DNMT3A: variants seen among roughly 807,000 people sequenced by gnomAD.
DNMT3A encodes DNA (cytosine-5)-methyltransferase 3A.
DNMT3A carries 267 observed loss-of-function variants against 117.6 expected under a neutral mutation model. The ratio of observed to expected loss-of-function variants is 2.27; its 90% CI spans 2.05 to 2.51. The LOEUF (loss-of-function observed/expected upper bound fraction) is 2.51, where lower values mean the gene tolerates loss of function less well. Among genes scored for constraint, DNMT3A ranks in the 30% most tolerant of loss-of-function variants. DNMT3A has a pLI of 0.00. For synonymous variants in DNMT3A, 432 were observed against 474.8 expected, an observed-to-expected ratio of 0.91 and a Z score of 1.17; for missense variants, 1,029 against 1,260.2, an observed-to-expected ratio of 0.82 and a Z score of 2.78.
In DNMT3A at chr2:25,252,431, G is replaced by A; in HGVS notation, c.640-4179C>T. ...CCTGGTTGGCTGCGAGCGGCCCGGG[G>A]AGGGGGCCGGCGCTCCGACGCTGGC... On this transcript the variant is annotated intron_variant, in intron 6 of 22. Transcript: ENST00000321117. This position sits in a 1 kb window ranked among gnomAD's most constrained non-coding sequence, Gnocchi z 5.5. 4.6e-6 allele frequency: 2 copies of A among 434,110 alleles called. No homozygotes were observed. The highest frequency in any genetic ancestry group is 4.0e-6 in the Non-Finnish European group (1 of 247,982). The allele number at this position is 434,110 out of a possible 1,614,324, so 26.9% of individuals were successfully genotyped here.
At chr2:25,312,331 C>A (rs776853573) in intron 2 of DNMT3A, among the ~76,000 whole-genome samples, 6 of 152,214 alleles carry the variant, frequency 3.9e-5, no homozygotes, top group Non-Finnish European at 7.3e-5. Context: ...ACTATCAGTT[C>A]TTTTCCCATG....
chr2:25,334,905 C>T (rs758065937), intron 1 of DNMT3A, among the ~76,000 whole-genome samples: 11 of 152,188 alleles, frequency 7.2e-5, no homozygotes, highest in Non-Finnish European at 1.2e-4. Flanking sequence ...TTCTCATCCA[C>T]AGGCTTTTAA....
upstream of DNMT3A, chr2:25,342,036 C>T (rs2035483511): frequency 2.7e-6 from 2 of 735,300 alleles, no homozygotes; most frequent in Non-Finnish European, 1.6e-6. The surrounding 1 kb of genome is among the most constrained non-coding windows in gnomAD (Gnocchi z 5.9). Flanking sequence ...CCCTCCCACC[C>T]CTTCTCTCCG....
At chr2:25,260,871 G>A (rs190312008) in intron 6 of DNMT3A, among the ~76,000 whole-genome samples, 1 of 152,236 alleles carries the variant, frequency 6.6e-6, no homozygotes, top group East Asian at 1.9e-4. Flanking sequence ...GCACGTGCCT[G>A]TAATTCCAGC....
chr2:25,256,017 A>G (rs1358104820), intron 6 of DNMT3A, among the ~76,000 whole-genome samples: 2 of 152,116 alleles, frequency 1.3e-5, no homozygotes, highest in African/African-American at 4.8e-5. Flanking sequence ...CCACCAGGAC[A>G]TTTACCATGC....
At chr2:25,235,650 C>T (rs1673268461) in intron 22 of DNMT3A, 57 bp downstream of exon 22, 10 of 1,410,308 alleles carry the variant, frequency 7.1e-6, no homozygotes, top group Non-Finnish European at 9.0e-6. Context: ...ACCCCCGCAG[C>T]AAGCACAGCA....
intron 4 of DNMT3A, among the ~76,000 whole-genome samples, chr2:25,278,134 C>T (rs2031610716): frequency 6.6e-6 from 1 of 152,160 alleles, no homozygotes; most frequent in South Asian, 2.1e-4. Flanking sequence ...ACGGCCTATG[C>T]AGCCCAACTG....
rs1037050983 is a variant in DNMT3A at position 25,230,362 on chromosome 2, G to C, written c.*3917C>G. 1 of 152,168 alleles carries C rather than the reference G, an allele frequency of 6.6e-6. No homozygotes were observed. Among genetic ancestry groups the C allele is most frequent in the African/African-American group, 2.4e-5 (1 of 41,432 alleles). The allele number at this position is 152,168 out of a possible 1,614,324, so 9.4% of individuals were successfully genotyped here. A position where few individuals can be genotyped will look rare whatever the true frequency, so the allele number is the denominator to read the frequency against. ...AGGCCAAGGACTGTGTCCCCAGCACGAGCACCTGGCTACCTCCCCCAGGCA... is the reference window on the plus strand; with the variant it reads ...AGGCCAAGGACTGTGTCCCCAGCACCAGCACCTGGCTACCTCCCCCAGGCA... On this transcript the variant is annotated 3_prime_UTR_variant, in exon 23 of 23. Coordinates refer to ENST00000321117, the MANE Select transcript of DNMT3A (RefSeq NM_022552.5).
chr2:25,314,221 C>T, intron 1 of DNMT3A, 60 bp from the exon 2 acceptor site: 2 of 1,391,382 alleles, frequency 1.4e-6, no homozygotes, highest in Non-Finnish European at 1.9e-6. Flanking sequence ...GGGTCAGGCC[C>T]TCAGCCCAGG....
chr2:25,292,319 C>T lies in DNMT3A; in HGVS notation c.177+7820G>A, dbSNP rs187992304. On this transcript the variant is annotated intron_variant, in intron 3 of 22. Transcript: ENST00000321117. The stretch of plus-strand genomic sequence containing the variant: ...GAGCCGAGATCGCACCACTGCACTC[C>T]GGCCTGGGCAACAGAGTGAGAATCT... Among the ~76,000 whole-genome samples, 181 of 152,092 alleles carry T rather than the reference C, an allele frequency of 1.2e-3. 1 individual carries two copies. The highest frequency in any genetic ancestry group is 4.2e-3 in the African/African-American group (174 of 41,480).
chr2:25,242,780 G>A (rs1408305716), intron 16 of DNMT3A, among the ~76,000 whole-genome samples: 1 of 152,266 alleles, frequency 6.6e-6, no homozygotes, highest in East Asian at 1.9e-4. Flanking sequence ...CTCCTAGGAC[G>A]CTTTCTGCAG....
chr2:25,282,638 G>T lies in DNMT3A; in HGVS notation c.251C>A (p.Ala84Asp). 6.2e-7 allele frequency: 1 copy of T among 1,612,864 alleles called. No homozygotes were observed. ...KSPSMAQDSGASELLPNGDLE... is the reference protein window; with the variant it reads ...KSPSMAQDSGDSELLPNGDLE... ...GTCCCCATTGGGTAATAGCTCTGAG[G>T]CGCCTGAGTCCTGGGCCATGGATGG... Residue 84 changes from alanine (A) to aspartate (D), a missense_variant, in exon 4 of 23, where the codon GCC becomes GAC. By Grantham distance (126) the Ala-to-Asp change is moderately radical. Coordinates refer to ENST00000321117, the MANE Select transcript of DNMT3A (RefSeq NM_022552.5). The surrounding 1 kb of genome is among the most constrained non-coding windows in gnomAD (Gnocchi z 5.2).
intron 1 of DNMT3A, among the ~76,000 whole-genome samples, chr2:25,338,326 C>T (rs1012316103): frequency 1.3e-5 from 2 of 152,232 alleles, no homozygotes; most frequent in Admixed American, 6.5e-5. Flanking sequence ...GCTGACATTT[C>T]GGGCCCAAAG....
intron 3 of DNMT3A, among the ~76,000 whole-genome samples, chr2:25,297,759 C>T (rs1340742225): frequency 2.0e-5 from 3 of 152,220 alleles, no homozygotes; most frequent in Non-Finnish European, 2.9e-5. Context: ...ATCCGCCCAC[C>T]TTGGCTTCCT....
rs191702405 is a variant in DNMT3A, at chr2:25,229,035, C to G, written c.*5244G>C. 1 of 152,364 alleles carries G rather than the reference C, an allele frequency of 6.6e-6. No homozygotes were observed. Among genetic ancestry groups the G allele is most frequent in the East Asian group, 1.9e-4 (1 of 5,186 alleles). 9.4% of individuals were successfully genotyped at this position (152,364 alleles called of 1,614,324 possible). On this transcript the variant is annotated 3_prime_UTR_variant, in exon 23 of 23. Transcript: ENST00000321117. ...AAAGGGATCTTGTGTCCTTGTCCTC[C>G]CTGCTCCTTGCTTGTTTCTCCCTCC...
rs1675932053 is a variant in DNMT3A, at chr2:25,254,357, C to T, written c.640-6105G>A. On this transcript the variant is annotated intron_variant, in intron 6 of 22. Transcript: ENST00000321117. The surrounding 1 kb of genome is among the most constrained non-coding windows in gnomAD (Gnocchi z 4.7). ...TCCCCCTGAGGGCCATCAGAGCAAG[C>T]AAACCCTGAAGAGCAAGGACCCCAA... Among the ~76,000 whole-genome samples the T allele has an allele frequency of 6.6e-6, 1 of 152,018 alleles. No individual in the cohort carries two copies. Among genetic ancestry groups the T allele is most frequent in the Non-Finnish European group, 1.5e-5 (1 of 68,006 alleles).
intron 5 of DNMT3A, 38 bp downstream of exon 5, chr2:25,275,462 A>C (rs757777563): frequency 1.3e-6 from 2 of 1,583,364 alleles, no homozygotes; most frequent in African/African-American, 1.4e-5. Flanking sequence ...TTCTTCTAGA[A>C]TCAGGATCCA....
chr2:25,267,790 T>C (rs928252363), intron 6 of DNMT3A, among the ~76,000 whole-genome samples: 1 of 152,230 alleles, frequency 6.6e-6, no homozygotes, highest in African/African-American at 2.4e-5. Context: ...ACCTCCCACA[T>C]GCCAGCCCTG....
At chr2:25,283,205 A>T (rs1267266173) in intron 3 of DNMT3A, among the ~76,000 whole-genome samples, 1 of 151,994 alleles carries the variant, frequency 6.6e-6, no homozygotes, top group African/African-American at 2.4e-5. Flanking sequence ...TCTACTAAAA[A>T]TACAAAGTTA....
Sources: allele counts gnomAD v4.1 joint callset (sites outside exome capture counted in the v4.1 genomes callset), GRCh38; gene constraint gnomAD v4.1.1; non-coding constraint Gnocchi (gnomAD v3.1); transcripts MANE v1.5; gene names NCBI Gene and HGNC (gene_info 2026-07-23, HGNC 2026-07-21).